Variants in GPC5 observed in about 807,000 individuals in gnomAD.
GPC5 encodes the protein glypican 5.
Under a neutral mutation model 53.9 loss-of-function variants are expected in GPC5, and 47 were observed. The ratio of observed to expected loss-of-function variants is 0.87; its 90% CI spans 0.69 to 1.11. The LOEUF (loss-of-function observed/expected upper bound fraction) is 1.11. Ranked by LOEUF, GPC5 falls within the 50% of genes most tolerant of loss-of-function variation. GPC5 has a pLI of 0.00. For synonymous variants in GPC5, 286 were observed against 263.3 expected, an observed-to-expected ratio of 1.09 and a Z score of -0.84; for missense variants, 748 against 713.1, an observed-to-expected ratio of 1.05 and a Z score of -0.56.
chr13:91,682,004 A>G (rs932337818), intron 2 of GPC5, among the ~76,000 whole-genome samples: 2 of 152,106 alleles, frequency 1.3e-5, no homozygotes, highest in East Asian at 1.9e-4. Context: ...AGGGTGTCAG[A>G]CTATTTAGAA....
At chr13:91,718,179 C>G (rs2036384449) in intron 3 of GPC5, among the ~76,000 whole-genome samples, 1 of 151,858 alleles carries the variant, frequency 6.6e-6, no homozygotes, top group African/African-American at 2.4e-5. Context: ...GGCGCGATCT[C>G]GGCTCGCTGC....
At chr13:92,296,784 G>A (rs575139239) in intron 7 of GPC5, among the ~76,000 whole-genome samples, 110 of 152,328 alleles carry the variant, frequency 7.2e-4, no homozygotes, top group South Asian at 1.0e-3. Context: ...TGCTGGCCCC[G>A]GGCAATGAGG....
intron 7 of GPC5, among the ~76,000 whole-genome samples, chr13:92,271,256 A>G (rs2042837901): frequency 6.6e-6 from 1 of 152,222 alleles, no homozygotes; most frequent in Non-Finnish European, 1.5e-5. Context: ...TTGGGGAGAC[A>G]TGGAACATGT....
intron 2 of GPC5, among the ~76,000 whole-genome samples, chr13:91,449,608 T>A (rs563900334): frequency 2.2e-4 from 33 of 152,252 alleles, no homozygotes; most frequent in South Asian, 1.2e-3. Flanking sequence ...AGAACACCAG[T>A]GGAATATATC....
chr13:92,839,901 G>A (rs1195690700), intron 7 of GPC5, among the ~76,000 whole-genome samples: 2 of 151,302 alleles, frequency 1.3e-5, no homozygotes, highest in African/African-American at 4.9e-5. Context: ...ACGTTCGTGG[G>A]AACTCCACTC....
intron 7 of GPC5, among the ~76,000 whole-genome samples, chr13:92,571,439 C>T (rs554979847): frequency 1.6e-4 from 25 of 152,218 alleles, no homozygotes; most frequent in African/African-American, 5.8e-4. Context: ...TATCAGTGTG[C>T]TTCATGATCC....
intron 2 of GPC5, among the ~76,000 whole-genome samples, chr13:91,506,834 G>A (rs564957823): frequency 6.6e-6 from 1 of 151,928 alleles, no homozygotes; most frequent in East Asian, 1.9e-4. Flanking sequence ...AAGTTTTCCT[G>A]CTTAATAATT....
At chr13:92,381,924 A>AT in intron 7 of GPC5, among the ~76,000 whole-genome samples, 2 of 132,746 alleles carry the variant, frequency 1.5e-5, no homozygotes, top group Non-Finnish European at 3.2e-5. Context: ...ATATAATCAT[A>AT]TATATGATTA....
intron 7 of GPC5, among the ~76,000 whole-genome samples, chr13:92,286,559 A>G (rs1459209972): frequency 6.6e-6 from 1 of 152,192 alleles, no homozygotes; most frequent in African/African-American, 2.4e-5. Context: ...ACAGCCATCA[A>G]AAAGAATGAG....
intron 2 of GPC5, among the ~76,000 whole-genome samples, chr13:91,683,765 C>T (rs1379343363): frequency 3.3e-5 from 5 of 152,212 alleles, no homozygotes; most frequent in Non-Finnish European, 7.3e-5. Context: ...CCTGCCTGCT[C>T]AGTCATCAAT....
chr13:92,471,305 G>A (rs1300032493), intron 7 of GPC5, among the ~76,000 whole-genome samples: 1 of 151,920 alleles, frequency 6.6e-6, no homozygotes, highest in Non-Finnish European at 1.5e-5. Context: ...TACTTAAGAG[G>A]CCCAGGAAAG....
intron 7 of GPC5, among the ~76,000 whole-genome samples, chr13:92,434,937 C>T (rs988954390): frequency 3.9e-5 from 6 of 152,052 alleles, no homozygotes; most frequent in Non-Finnish European, 7.4e-5. Context: ...TTTTTTGAGA[C>T]ATAGTCTAGC....
chr13:91,682,515 G>A (rs1401760497), intron 2 of GPC5, among the ~76,000 whole-genome samples: 3 of 152,124 alleles, frequency 2.0e-5, no homozygotes, highest in African/African-American at 4.8e-5. Flanking sequence ...AAATTTACAC[G>A]CATGGGACTA....
At chr13:92,328,754 T>A (rs1206015507) in intron 7 of GPC5, among the ~76,000 whole-genome samples, 2 of 152,168 alleles carry the variant, frequency 1.3e-5, no homozygotes, top group Non-Finnish European at 2.9e-5. Context: ...AGGGTGTTAC[T>A]TTAGGTTCTG....
At chr13:91,730,503 C>A (rs915159203) in intron 4 of GPC5, among the ~76,000 whole-genome samples, 1 of 152,126 alleles carries the variant, frequency 6.6e-6, no homozygotes, top group Non-Finnish European at 1.5e-5. Context: ...TAGTTCTTCA[C>A]GGCAATCTCA....
chr13:92,123,363 T>G (rs1356945337), intron 6 of GPC5, among the ~76,000 whole-genome samples: 1 of 152,170 alleles, frequency 6.6e-6, no homozygotes, highest in Non-Finnish European at 1.5e-5. Flanking sequence ...TTATATGACA[T>G]TTATAACAGG....
Position 92,866,477 on chromosome 13 carries a change from C to T in GPC5, c.*38C>T, listed in dbSNP as rs190929028. The stretch of plus-strand genomic sequence containing the variant: ...GTCCTGACATACCTTACTGAAGTCT[C>T]GATTTCTTCTCTCTCTGCATATGCC... On this transcript the variant is annotated 3_prime_UTR_variant, in exon 8 of 8. Coordinates refer to ENST00000377067, the MANE Select transcript of GPC5 (RefSeq NM_004466.6). 8 of 1,488,724 alleles carry T rather than the reference C, an allele frequency of 5.4e-6. No homozygotes were observed. Among genetic ancestry groups the T allele is most frequent in the Non-Finnish European group, 5.4e-6 (6 of 1,101,810 alleles). The allele number at this position is 1,488,724 out of a possible 1,614,324, so 92.2% of individuals were successfully genotyped here.
At chr13:91,563,083 A>C (rs190306721) in intron 2 of GPC5, among the ~76,000 whole-genome samples, 47 of 152,320 alleles carry the variant, frequency 3.1e-4, no homozygotes, top group Admixed American at 1.9e-3. Context: ...ATAGCTAACA[A>C]TAAATTCTAT....
At chr13:91,436,361 T>A (rs774649412) in intron 1 of GPC5, among the ~76,000 whole-genome samples, 2 of 151,670 alleles carry the variant, frequency 1.3e-5, no homozygotes, top group Non-Finnish European at 2.9e-5. Flanking sequence ...GCTTTGAATG[T>A]GTCCCAGAGA....
Sources: allele counts gnomAD v4.1 joint callset (sites outside exome capture counted in the v4.1 genomes callset), GRCh38; gene constraint gnomAD v4.1.1; transcripts MANE v1.5; gene names NCBI Gene and HGNC (gene_info 2026-07-23, HGNC 2026-07-21).